The following NIBAN2 variants were observed in gnomAD, a reference collection of about 807,000 sequenced individuals.
NIBAN2 encodes niban apoptosis regulator 2.
Under a neutral mutation model 81.8 loss-of-function variants are expected in NIBAN2, and 36 were observed. The ratio of observed to expected loss-of-function variants is 0.44; its 90% CI spans 0.34 to 0.58. The LOEUF is 0.58. NIBAN2 is among the 20% of genes least tolerant of loss of function. The pLI, the probability that NIBAN2 is intolerant of heterozygous loss-of-function variation, is 0.02. For synonymous variants in NIBAN2, 445 were observed against 441.6 expected (o/e 1.01, Z -0.10); for missense variants, 897 against 1,014.1 (o/e 0.88, Z 1.57).
intron 1 of NIBAN2, among the ~76,000 whole-genome samples, chr9:127,544,833 T>C (rs1419244570): frequency 6.6e-6 from 1 of 152,158 alleles, no homozygotes; most frequent in Admixed American, 6.6e-5. Flanking sequence ...TTGGTGCTGG[T>C]AGAATCCCTG....
At chr9:127,513,649 T>C (rs1217033006) in intron 8 of NIBAN2, among the ~76,000 whole-genome samples, 1 of 152,184 alleles carries the variant, frequency 6.6e-6, no homozygotes, top group Non-Finnish European at 1.5e-5. Context: ...TCAGGAAGTC[T>C]CCCTATATGC....
chr9:127,550,144 T>C (rs1389917727), intron 1 of NIBAN2, among the ~76,000 whole-genome samples: 2 of 152,160 alleles, frequency 1.3e-5, no homozygotes, highest in Non-Finnish European at 2.9e-5. Context: ...ACCTGACTGC[T>C]GCTGAGTGAC....
chr9:127,527,163 G>A (rs772033833), intron 3 of NIBAN2, 31 bp downstream of exon 3: 3 of 1,608,714 alleles, frequency 1.9e-6, no homozygotes, highest in South Asian at 2.2e-5. Flanking sequence ...AAGCGGGGAG[G>A]CTCAGTGTGG....
chr9:127,531,016 C>CA (rs1026785585), intron 2 of NIBAN2, among the ~76,000 whole-genome samples: 16 of 151,718 alleles, frequency 1.1e-4, no homozygotes, highest in African/African-American at 2.2e-4. Context: ...CCCATCTCTA[C>CA]AAAAAATGCA....
chr9:127,568,816 T>C lies in NIBAN2; in HGVS notation c.55+4A>G. 1 of 1,350,998 alleles carries C rather than the reference T, an allele frequency of 7.4e-7. No homozygotes were observed. Among genetic ancestry groups the C allele is most frequent in the East Asian group, 3.3e-5 (1 of 29,864 alleles). 83.7% of individuals were successfully genotyped at this position (1,350,998 alleles called of 1,614,324 possible). On this transcript the variant is annotated splice_donor_region_variant and intron_variant, in intron 1 of 13. Transcript: ENST00000373312. ...GGGCGCGCGTGGCGCGGCGCGACCC[T>C]CACCTGCGATGTGCTGGCGCCGGGC... is the stretch of plus-strand genomic sequence containing the variant.
At chr9:127,554,624 G>A (rs1837635446) in intron 1 of NIBAN2, among the ~76,000 whole-genome samples, 2 of 131,500 alleles carry the variant, frequency 1.5e-5, no homozygotes, top group Non-Finnish European at 3.1e-5. Flanking sequence ...GCTATGGCAC[G>A]ATCTTGGCTC....
rs1836614519 is a variant in NIBAN2, at chr9:127,507,059, G to A, written c.2027C>T (p.Ala676Val). 2 of 1,576,654 alleles carry A rather than the reference G, an allele frequency of 1.3e-6. No individual in the cohort carries two copies. The highest frequency in any genetic ancestry group is 1.1e-5 in the South Asian group (1 of 88,124). ...AGGCTGGGGACTCTCCCCAGCGGGG[G>A]CCCCGTTGAGCAGGGGGCCGGCTGG... Reference protein sequence around the residue: ...PPPAGPLLNGAPAGESPQPKA... With the variant: ...PPPAGPLLNGVPAGESPQPKA... The change falls in exon 14 of 14, where the codon GCC becomes GTC. Residue 676 changes from alanine (A) to valine (V), a missense_variant. Around this residue, in one of 3 missense-constraint regions of NIBAN2, gnomAD observed 619 missense variants for 691.0 expected, o/e 0.90. Transcript: ENST00000373312. This position sits in a 1 kb window ranked among gnomAD's most constrained non-coding sequence, Gnocchi z 6.8.
chr9:127,569,115 T>C (rs1588194641), upstream of NIBAN2: 13 of 876,110 alleles, frequency 1.5e-5, no homozygotes, highest in South Asian at 3.9e-4. Flanking sequence ...GGCGCCCCGC[T>C]CCGCCCCACC....
intron 1 of NIBAN2, among the ~76,000 whole-genome samples, chr9:127,578,691 A>G (rs1035586159): frequency 2.0e-5 from 3 of 151,584 alleles, no homozygotes; most frequent in African/African-American, 4.8e-5. Flanking sequence ...AAAAGAAAAG[A>G]AAAAGAAAAA....
In NIBAN2 at chr9:127,525,049, C is replaced by A. The variant is rs919829900; in HGVS notation, c.421+9G>T. The A allele has an allele frequency of 1.2e-6, 2 of 1,605,420 alleles. No individual in the cohort carries two copies. Among genetic ancestry groups the A allele is most frequent in the Admixed American group, 1.7e-5 (1 of 59,954 alleles). The stretch of plus-strand genomic sequence containing the variant: ...AGGGCATTGTGGCCTGGGATGGGTG[C>A]TCCTTTACCTGGTAAGGAGTTGCCA... On this transcript the variant is annotated intron_variant, in intron 4 of 13. Transcript: ENST00000373312.
chr9:127,544,654 C>A (rs1214246318), intron 1 of NIBAN2, among the ~76,000 whole-genome samples: 2 of 152,164 alleles, frequency 1.3e-5, no homozygotes, highest in Non-Finnish European at 2.9e-5. Flanking sequence ...CAGGCATGTG[C>A]CACCACACCC....
chr9:127,571,435 C>T (rs143072837), upstream of NIBAN2, among the ~76,000 whole-genome samples: 5 of 152,284 alleles, frequency 3.3e-5, no homozygotes, highest in South Asian at 6.2e-4. Flanking sequence ...CAATGGCTCA[C>T]GCCTGTAATC....
chr9:127,524,800 C>T, intron 4 of NIBAN2: 1 of 371,322 alleles, frequency 2.7e-6, no homozygotes, highest in East Asian at 4.9e-5. Context: ...AAGCAGGATG[C>T]CAAGAAGAGT....
At position 127,510,582 on chromosome 9, in the gene NIBAN2, G is replaced by A. The variant is rs190128694; in HGVS notation, c.974-249C>T. Among the ~76,000 whole-genome samples, 285 of 152,088 alleles carry A rather than the reference G, an allele frequency of 1.9e-3. 4 individuals carry two copies. The highest frequency in any genetic ancestry group is 6.4e-3 in the African/African-American group (267 of 41,480). On this transcript the variant is annotated intron_variant, in intron 8 of 13. Transcript: ENST00000373312. ...CTCCTGAGTAGCTGGGACTACAGGC[G>A]CGTGCCACTGTGCCCAGCTAATTTT...
Position 127,545,117 on chromosome 9 carries a change from G to A in NIBAN2, c.56-13339C>T, listed in dbSNP as rs1837447270. ...CAGCCCCTCAGCTTCCTCCTCAGCG[G>A]AGGAAATCTGGCCTCTGGCCTTGGG... On this transcript the variant is annotated intron_variant, in intron 1 of 13. Coordinates refer to ENST00000373312, the MANE Select transcript of NIBAN2 (RefSeq NM_022833.4). This position sits in a 1 kb window ranked among gnomAD's most constrained non-coding sequence, Gnocchi z 4.7. Among the ~76,000 whole-genome samples the A allele has an allele frequency of 6.6e-6, 1 of 152,200 alleles. No homozygotes were observed. The highest frequency in any genetic ancestry group is 1.5e-5 in the Non-Finnish European group (1 of 68,034).
intron 1 of NIBAN2, among the ~76,000 whole-genome samples, chr9:127,542,897 T>G (rs895489489): frequency 1.3e-5 from 2 of 152,226 alleles, no homozygotes; most frequent in Non-Finnish European, 2.9e-5. Context: ...TAATTTTTTG[T>G]ATTTTTAGTA....
At chr9:127,530,338 A>G (rs1837154732) in intron 2 of NIBAN2, among the ~76,000 whole-genome samples, 1 of 152,210 alleles carries the variant, frequency 6.6e-6, no homozygotes, top group African/African-American at 2.4e-5. Flanking sequence ...CAGTCACAGC[A>G]GAAAGGGCCC....
At chr9:127,547,137 A>C (rs984438423) in intron 1 of NIBAN2, among the ~76,000 whole-genome samples, 34 of 152,214 alleles carry the variant, frequency 2.2e-4, no homozygotes, top group African/African-American at 7.9e-4. Context: ...ACCAGATCTC[A>C]GTTCAAATCC....
At chr9:127,527,532 G>A (rs1336589875) in intron 2 of NIBAN2, among the ~76,000 whole-genome samples, 1 of 152,246 alleles carries the variant, frequency 6.6e-6, no homozygotes, top group Non-Finnish European at 1.5e-5. Flanking sequence ...GAGCCGTGGA[G>A]GGGCTCACCC....
Sources: allele counts gnomAD v4.1 joint callset (sites outside exome capture counted in the v4.1 genomes callset), GRCh38; gene constraint gnomAD v4.1.1; regional missense constraint gnomAD v4.1.1; non-coding constraint Gnocchi (gnomAD v3.1); transcripts MANE v1.5; gene names NCBI Gene and HGNC (gene_info 2026-07-23, HGNC 2026-07-21).